MAP4K3: variants seen among roughly 807,000 people sequenced by gnomAD.
The protein encoded by MAP4K3 is MAPK/ERK kinase kinase kinase 3.
Under a neutral mutation model 143.5 loss-of-function variants are expected in MAP4K3, and 94 were observed. The observed-to-expected ratio is 0.65, with a 90% CI of 0.55 to 0.78. The LOEUF (loss-of-function observed/expected upper bound fraction) is 0.78, where lower values mean the gene tolerates loss of function less well. MAP4K3 is among the 30% of genes least tolerant of loss of function. MAP4K3 has a pLI of 0.00. For synonymous variants in MAP4K3, 416 were observed against 347.2 expected, an observed-to-expected ratio of 1.20 and a Z score of -2.20; for missense variants, 1,077 against 1,068.1, an observed-to-expected ratio of 1.01 and a Z score of -0.12.
At chr2:39,302,228 C>G (rs1025649634) in intron 15 of MAP4K3, among the ~76,000 whole-genome samples, 8 of 151,960 alleles carry the variant, frequency 5.3e-5, no homozygotes, top group Non-Finnish European at 1.2e-4. Flanking sequence ...GGGTCATGTC[C>G]CAAGTCTTAC....
At chr2:39,297,804 G>C (rs1682344375) in intron 16 of MAP4K3, among the ~76,000 whole-genome samples, 1 of 152,146 alleles carries the variant, frequency 6.6e-6, no homozygotes, top group Admixed American at 6.6e-5. Context: ...CAAACTTTTG[G>C]CCAACCTACC....
At chr2:39,296,867 C>G (rs1195276147) in intron 16 of MAP4K3, among the ~76,000 whole-genome samples, 2 of 152,156 alleles carry the variant, frequency 1.3e-5, no homozygotes, top group Non-Finnish European at 2.9e-5. Context: ...AGCAATTATT[C>G]CATTTCATCC....
intron 1 of MAP4K3, among the ~76,000 whole-genome samples, chr2:39,422,525 T>C (rs988348536): frequency 6.6e-6 from 1 of 152,084 alleles, no homozygotes; most frequent in African/African-American, 2.4e-5. Context: ...AGAAAATAAA[T>C]TTCCACTGTA....
chr2:39,268,738 C>T (rs1190391644), intron 26 of MAP4K3, among the ~76,000 whole-genome samples: 1 of 147,868 alleles, frequency 6.8e-6, no homozygotes, highest in African/African-American at 2.5e-5. Context: ...CTCCCAGGTT[C>T]AAGTGATTCT....
intron 1 of MAP4K3, among the ~76,000 whole-genome samples, chr2:39,428,939 A>G (rs955106694): frequency 7.3e-5 from 11 of 149,848 alleles, no homozygotes; most frequent in Admixed American, 6.6e-5. Context: ...ATGGTGGCAC[A>G]TGCCTATAAT....
rs1490730605 is a variant in MAP4K3, at chr2:39,436,912, T to A, written c.76A>T (p.Thr26Ser). 1 of 1,611,624 alleles carries A rather than the reference T, an allele frequency of 6.2e-7. No homozygotes were observed. Among genetic ancestry groups the A allele is most frequent in the Admixed American group, 1.7e-5 (1 of 59,972 alleles). ...TTTACCTTGTAGACGTCGCCGTAGG[T>A]GCCGCTGCCGATGCGCTGAATCAGC... Reference protein sequence around the residue: ...FELIQRIGSGTYGDVYKARNV... With the variant: ...FELIQRIGSGSYGDVYKARNV... The change falls in exon 1 of 34, where the codon ACC (threonine) becomes TCC (serine). Residue 26 changes from threonine to serine, a missense_variant. Physicochemically the swap from Thr to Ser is moderately conservative, Grantham distance 58. This residue lies in a region of MAP4K3 where 213 missense variants were observed against 266.8 expected (regional missense o/e 0.80). Transcript: ENST00000263881.
intron 19 of MAP4K3, 105 bp downstream of exon 19, chr2:39,290,187 T>TAAGTTGGGCATTATAAAATGAGACAAACA: frequency 1.3e-6 from 1 of 776,336 alleles, no homozygotes; most frequent in Non-Finnish European, 2.0e-6. Flanking sequence ...CTTCATGATT[T>TAAGTTGGGCATTATAAAATGAGACAAACA]TTCTTTGTGG....
At chr2:39,414,725 A>G (rs1011471356) in intron 1 of MAP4K3, among the ~76,000 whole-genome samples, 10 of 152,134 alleles carry the variant, frequency 6.6e-5, no homozygotes, top group African/African-American at 2.4e-4. Context: ...AATACAAAAA[A>G]TTAGCTGGGC....
At chr2:39,333,813 T>C (rs1683764932) in intron 6 of MAP4K3, among the ~76,000 whole-genome samples, 1 of 152,188 alleles carries the variant, frequency 6.6e-6, no homozygotes, top group Non-Finnish European at 1.5e-5. Flanking sequence ...TAACATAGTA[T>C]GAATGTTAAT....
chr2:39,345,615 A>C (rs999569986), intron 3 of MAP4K3, among the ~76,000 whole-genome samples: 1 of 152,120 alleles, frequency 6.6e-6, no homozygotes, highest in Non-Finnish European at 1.5e-5. Context: ...TCATGATTCT[A>C]GAAAATAATG....
chr2:39,357,379 A>C (rs1364556605), intron 2 of MAP4K3, among the ~76,000 whole-genome samples: 1 of 152,250 alleles, frequency 6.6e-6, no homozygotes. Flanking sequence ...AGTAAAAAAC[A>C]GAAGGCTTCC....
At chr2:39,367,212 A>AAAGC (rs1184164314) in intron 2 of MAP4K3, among the ~76,000 whole-genome samples, 1 of 152,226 alleles carries the variant, frequency 6.6e-6, no homozygotes, top group Non-Finnish European at 1.5e-5. Context: ...TGGGTTCCAC[A>AAAGC]AAGCCAAGTA....
intron 21 of MAP4K3, 32 bp downstream of exon 21, chr2:39,286,820 T>C (rs769957754): frequency 1.1e-5 from 16 of 1,410,034 alleles, no homozygotes; most frequent in Non-Finnish European, 1.5e-5. Context: ...AGGAAACAAA[T>C]ACAAGTAGAA....
At chr2:39,369,832 C>G (rs1258367476) in intron 2 of MAP4K3, among the ~76,000 whole-genome samples, 2 of 152,190 alleles carry the variant, frequency 1.3e-5, no homozygotes, top group Non-Finnish European at 2.9e-5. Context: ...AGTAAATAGT[C>G]AAAGGCGGAT....
intron 21 of MAP4K3, among the ~76,000 whole-genome samples, chr2:39,286,148 G>A (rs1681767463): frequency 6.6e-6 from 1 of 152,206 alleles, no homozygotes; most frequent in South Asian, 2.1e-4. Flanking sequence ...GAAGGGGAGG[G>A]ATGTTTTGGG....
Position 39,437,067 on chromosome 2 carries a change from C to G in MAP4K3, c.-80G>C. The G allele has an allele frequency of 2.8e-6, 3 of 1,071,828 alleles. No homozygotes were observed. Among genetic ancestry groups the G allele is most frequent in the Non-Finnish European group, 3.9e-6 (3 of 768,706 alleles). 66.4% of individuals were successfully genotyped at this position (1,071,828 alleles called of 1,614,324 possible). Reference sequence around the variant, plus strand: ...AGGGGGCCACACGGAGAGAGGGCGCCGCGGCCGGCTCCCGGCTCCCCCGGC... The same window carrying G: ...AGGGGGCCACACGGAGAGAGGGCGCGGCGGCCGGCTCCCGGCTCCCCCGGC... On this transcript the variant is annotated 5_prime_UTR_variant, in exon 1 of 34. Coordinates refer to ENST00000263881, the MANE Select transcript of MAP4K3 (RefSeq NM_003618.4).
At chr2:39,341,101 T>A (rs1336343645) in intron 4 of MAP4K3, among the ~76,000 whole-genome samples, 2 of 151,788 alleles carry the variant, frequency 1.3e-5, no homozygotes, top group Non-Finnish European at 2.9e-5. Context: ...AAAGTAAAAA[T>A]AAACCCATTC....
At chr2:39,356,435 G>A in intron 2 of MAP4K3, 96 bp from the exon 3 acceptor site, 1 of 678,368 alleles carries the variant, frequency 1.5e-6, no homozygotes, top group Non-Finnish European at 2.6e-6. Flanking sequence ...GTATTAATAA[G>A]TATAACATAA....
At chr2:39,256,175 A>G (rs1680335900) in intron 31 of MAP4K3, among the ~76,000 whole-genome samples, 3 of 152,308 alleles carry the variant, frequency 2.0e-5, no homozygotes, top group African/African-American at 4.8e-5. Flanking sequence ...GCAACTCTGA[A>G]TTCTCTTACT....
Sources: gnomAD v4.1 joint callset for allele counts (sites outside exome capture counted in the v4.1 genomes callset) on GRCh38, gnomAD v4.1.1 for gene constraint, gnomAD v4.1.1 regional missense constraint, MANE v1.5 for transcripts, NCBI Gene and HGNC (gene_info 2026-07-23, HGNC 2026-07-21) for gene names.